The following KCNH5 variants were observed in gnomAD, a reference collection of about 807,000 sequenced individuals.
KCNH5 encodes potassium voltage-gated channel subfamily H member 5.
A neutral mutation model predicts 96.1 loss-of-function variants in KCNH5; 46 were observed. The ratio of observed to expected loss-of-function variants is 0.48; its 90% confidence interval spans 0.38 to 0.61. The LOEUF (loss-of-function observed/expected upper bound fraction) is 0.61. KCNH5 is among the 20% of genes least tolerant of loss of function. The pLI, the probability that KCNH5 is intolerant of heterozygous loss-of-function variation, is 0.00. For synonymous variants in KCNH5, 439 were observed against 449.8 expected (o/e 0.98, Z 0.30); for missense variants, 907 against 1,225.8 (o/e 0.74, Z 3.88).
chr14:62,879,896 A>G (rs950032356), intron 7 of KCNH5, among the ~76,000 whole-genome samples: 2 of 152,194 alleles, frequency 1.3e-5, no homozygotes, highest in Non-Finnish European at 2.9e-5. Context: ...ATCATAACAC[A>G]GTCTACATAA....
At chr14:62,916,361 GAGA>G (rs1889275238) in intron 7 of KCNH5, among the ~76,000 whole-genome samples, 1 of 152,156 alleles carries the variant, frequency 6.6e-6, no homozygotes, top group South Asian at 2.1e-4. Flanking sequence ...CACAATTAAA[GAGA>G]AGGACAATAA....
At chr14:62,994,962 C>T (rs1358000288) in intron 4 of KCNH5, among the ~76,000 whole-genome samples, 1 of 152,076 alleles carries the variant, frequency 6.6e-6, no homozygotes, top group Admixed American at 6.6e-5. Context: ...ATAGTGTTGA[C>T]ATTACCCAGT....
At chr14:62,993,306 T>C (rs1439559382) in intron 4 of KCNH5, among the ~76,000 whole-genome samples, 1 of 152,098 alleles carries the variant, frequency 6.6e-6, no homozygotes, top group Non-Finnish European at 1.5e-5. Context: ...GGGGTTTTTT[T>C]AGTTCCATAT....
At position 63,003,624 on chromosome 14, in the gene KCNH5, A is replaced by ATT. The variant is rs775227561; in HGVS notation, c.305-2167_305-2166dup. On this transcript the variant is annotated intron_variant, in intron 3 of 10. Coordinates refer to ENST00000322893, the MANE Select transcript of KCNH5 (RefSeq NM_139318.5). Reference sequence around the variant, plus strand: ...TATTTATATTTATATATATATATATATTTTTTTTTTTTTGAGACGGAGTCT... The same window carrying ATT: ...TATTTATATTTATATATATATATATATTTTTTTTTTTTTTTGAGACGGAGTCT... Among the ~76,000 whole-genome samples the ATT allele has an allele frequency of 2.6e-3, 237 of 92,436 alleles. 2 individuals carry two copies. Among genetic ancestry groups the ATT allele is most frequent in the East Asian group, 0.024 (55 of 2,304 alleles). 60.6% of individuals were successfully genotyped at this position (92,436 alleles called of 152,430 possible).
chr14:62,941,276 T>G (rs537453878), intron 7 of KCNH5, among the ~76,000 whole-genome samples: 1 of 152,230 alleles, frequency 6.6e-6, no homozygotes, highest in South Asian at 2.1e-4. Flanking sequence ...TTTACAGAAT[T>G]TGAGAGGCTT....
At chr14:62,776,258 T>G (rs1201237651) in intron 10 of KCNH5, among the ~76,000 whole-genome samples, 1 of 151,336 alleles carries the variant, frequency 6.6e-6, no homozygotes, top group Non-Finnish European at 1.5e-5. Context: ...CAGAGCAAGG[T>G]TCCATCTCAA....
At chr14:62,782,449 T>C (rs923860735) in intron 9 of KCNH5, among the ~76,000 whole-genome samples, 4 of 152,176 alleles carry the variant, frequency 2.6e-5, no homozygotes, top group Non-Finnish European at 5.9e-5. Context: ...TTCCTTTTAG[T>C]TCATGACACT....
intron 7 of KCNH5, among the ~76,000 whole-genome samples, chr14:62,930,573 T>G (rs1889561975): frequency 6.6e-6 from 1 of 152,174 alleles, no homozygotes; most frequent in Non-Finnish European, 1.5e-5. Flanking sequence ...CTACACTGAC[T>G]GCCTCAGGCA....
At position 62,701,420 on chromosome 14, in the gene KCNH5, A is replaced by G. The variant is rs1884346238; in HGVS notation, c.*6088T>C. ...TTTCCTCAGTTATAACTCTGGTCAT[A>G]AGCTGCACTTTTTGGTTTACTCTTC... is the stretch of plus-strand genomic sequence containing the variant. On this transcript the variant is annotated 3_prime_UTR_variant, in exon 11 of 11. Coordinates refer to ENST00000322893, the MANE Select transcript of KCNH5 (RefSeq NM_139318.5). 1 of 152,146 alleles carries G rather than the reference A, an allele frequency of 6.6e-6. No homozygotes were observed. Among genetic ancestry groups the G allele is most frequent in the African/African-American group, 2.4e-5 (1 of 41,436 alleles). 9.4% of individuals were successfully genotyped at this position (152,146 alleles called of 1,614,324 possible).
chr14:62,767,521 A>G (rs1355066074), intron 10 of KCNH5, among the ~76,000 whole-genome samples: 1 of 152,246 alleles, frequency 6.6e-6, no homozygotes, highest in Non-Finnish European at 1.5e-5. Flanking sequence ...TGTTCTTTGC[A>G]GTAATGCAGA....
chr14:63,015,553 T>C (rs1189198581), intron 2 of KCNH5, among the ~76,000 whole-genome samples: 1 of 151,942 alleles, frequency 6.6e-6, no homozygotes, highest in Admixed American at 6.6e-5. Context: ...TCTTGGCTCA[T>C]GGTAGATGGT....
chr14:62,853,796 C>G (rs1462763945), intron 7 of KCNH5, among the ~76,000 whole-genome samples: 1 of 151,636 alleles, frequency 6.6e-6, no homozygotes, highest in Non-Finnish European at 1.5e-5. Context: ...ATCACAAGGT[C>G]AGGAGTTCAA....
chr14:62,834,884 C>T (rs1414821781), intron 8 of KCNH5, among the ~76,000 whole-genome samples: 1 of 151,934 alleles, frequency 6.6e-6, no homozygotes, highest in Non-Finnish European at 1.5e-5. Flanking sequence ...GCTTCTATGG[C>T]AAAGTTGAGT....
In KCNH5 at chr14:62,981,209, G is replaced by A. The variant is rs1890599759; in HGVS notation, c.605C>T (p.Thr202Met). The change falls in exon 6 of 11, where the codon ACG becomes ATG. Residue 202 changes from threonine (T) to methionine (M), a missense_variant. Physicochemically the swap from Thr to Met is moderately conservative, Grantham distance 81. Transcript: ENST00000322893. ...ATAATGTAAAATAATGTGTGGTGGC[G>A]TCTTTGGCGCTTCTTGTTTATACTG... ...LPQYKQEAPKTPPHIILHYCA... is the reference protein window; with the variant it reads ...LPQYKQEAPKMPPHIILHYCA... 1 of 1,614,094 alleles carries A rather than the reference G, an allele frequency of 6.2e-7. No homozygotes were observed. Among genetic ancestry groups the A allele is most frequent in the Non-Finnish European group, 8.5e-7 (1 of 1,179,936 alleles).
chr14:62,768,383 G>C (rs114569207), intron 10 of KCNH5, among the ~76,000 whole-genome samples: 1,767 of 152,142 alleles, frequency 0.012, 34 homozygotes, highest in African/African-American at 0.04. Flanking sequence ...TAATTCAAAA[G>C]GAGTATTTTC....
chr14:62,733,042 T>C (rs1374528826), intron 10 of KCNH5, among the ~76,000 whole-genome samples: 1 of 152,118 alleles, frequency 6.6e-6, no homozygotes, highest in Non-Finnish European at 1.5e-5. Flanking sequence ...CATAGTTTAC[T>C]ATTACTTACA....
intron 3 of KCNH5, among the ~76,000 whole-genome samples, chr14:63,002,215 C>G (rs146357654): frequency 6.6e-6 from 1 of 152,142 alleles, no homozygotes; most frequent in Non-Finnish European, 1.5e-5. Flanking sequence ...CCTCGTTCTT[C>G]GAAGGATGGC....
At chr14:62,759,800 T>C (rs1426548826) in intron 10 of KCNH5, among the ~76,000 whole-genome samples, 26 of 152,120 alleles carry the variant, frequency 1.7e-4, no homozygotes. Context: ...TTTTTCAGCT[T>C]TGCAAAATTA....
intron 7 of KCNH5, among the ~76,000 whole-genome samples, chr14:62,898,242 TAGAA>T (rs771979850): frequency 4.6e-5 from 7 of 152,072 alleles, no homozygotes; most frequent in African/African-American, 7.2e-5. Flanking sequence ...TAAAACTAAA[TAGAA>T]AGGGCTAAAA....
Sources: gnomAD v4.1 joint callset for allele counts (sites outside exome capture counted in the v4.1 genomes callset) on GRCh38, gnomAD v4.1.1 for gene constraint, MANE v1.5 for transcripts, NCBI Gene and HGNC (gene_info 2026-07-23, HGNC 2026-07-21) for gene names.